PIK3R3: variants seen among roughly 807,000 people sequenced by gnomAD.
PIK3R3 encodes phosphatidylinositol 3-kinase regulatory subunit gamma.
Under a neutral mutation model 62.9 loss-of-function variants are expected in PIK3R3, and 64 were observed. The ratio of observed to expected loss-of-function variants is 1.02; its 90% CI spans 0.83 to 1.25. PIK3R3 has a LOEUF of 1.25. Ranked by LOEUF, PIK3R3 falls within the 50% of genes most tolerant of loss-of-function variation. The probability of loss-of-function intolerance (pLI) is 0.00; values close to 1 mark genes in which losing one functional copy is unlikely to be tolerated. For missense variants in PIK3R3, 614 were observed against 561.6 expected, an observed-to-expected ratio of 1.09 and a Z score of -0.94; for synonymous variants, 165 against 189.0, an observed-to-expected ratio of 0.87 and a Z score of 1.04.
chr1:46,152,275 T>G, the PIK3R3 span, among the ~76,000 whole-genome samples: 1 of 152,148 alleles, frequency 6.6e-6, no homozygotes, highest in Admixed American at 6.5e-5. Flanking sequence ...CCATCACTTC[T>G]CCATATCGGG....
rs777668187 is a variant in PIK3R3, at chr1:46,071,759, A to AGAGAGAGAGAGAGC, written c.315-4669_315-4668insGCTCTCTCTCTCTC. Among the ~76,000 whole-genome samples the AGAGAGAGAGAGAGC allele has an allele frequency of 2.3e-3, 229 of 99,858 alleles. 1 individual carries two copies. The highest frequency in any genetic ancestry group is 5.0e-3 in the Middle Eastern group (1 of 202). 65.5% of individuals were successfully genotyped at this position (99,858 alleles called of 152,430 possible). The stretch of plus-strand genomic sequence containing the variant: ...GAGAGAGAGAGAGAGAGAGAGAGAG[A>AGAGAGAGAGAGAGC]GCGCGCGCCTGATCACAATTTCCCT... On this transcript the variant is annotated intron_variant, in intron 3 of 9. Coordinates refer to ENST00000262741, the MANE Select transcript of PIK3R3 (RefSeq NM_003629.4).
chr1:46,098,500 G>A, intron 1 of PIK3R3, among the ~76,000 whole-genome samples: 1 of 152,174 alleles, frequency 6.6e-6, no homozygotes, highest in African/African-American at 2.4e-5. Context: ...GTGGAATATT[G>A]TTTAGCCATA....
chr1:46,149,241 A>G, the PIK3R3 span, among the ~76,000 whole-genome samples: 37 of 152,000 alleles, frequency 2.4e-4, no homozygotes, highest in Admixed American at 1.9e-3. Context: ...TGGGCAACAT[A>G]GTGAAACCCC....
At chr1:46,071,757 A>AGAGAGAGAGAGAGAGAGAGAGAGAGAGC (rs1230737377) in intron 3 of PIK3R3, among the ~76,000 whole-genome samples, 1 of 128,252 alleles carries the variant, frequency 7.8e-6, no homozygotes, top group African/African-American at 3.0e-5. Context: ...AGAGAGAGAG[A>AGAGAGAGAGAGAGAGAGAGAGAGAGAGC]GAGCGCGCGC....
chr1:46,077,890 A>G (rs1254911554), intron 2 of PIK3R3, among the ~76,000 whole-genome samples: 1 of 152,228 alleles, frequency 6.6e-6, no homozygotes, highest in Admixed American at 6.5e-5. Context: ...TGTTTCCATC[A>G]AGCCTTTAAG....
In PIK3R3 at chr1:46,131,941, C is replaced by G. The variant is rs764288804; in HGVS notation, c.12G>C (p.Thr4=). 2 of 1,613,932 alleles carry G rather than the reference C, an allele frequency of 1.2e-6. No homozygotes were observed. Among genetic ancestry groups the G allele is most frequent in the Admixed American group, 3.3e-5 (2 of 60,014 alleles). Reference sequence around the variant, plus strand: ...CGTCATCGCGGTCCATACTCCACACCGTATTGTACATCGCGCTGTCAGGGG... The same window carrying G: ...CGTCATCGCGGTCCATACTCCACACGGTATTGTACATCGCGCTGTCAGGGG... MYN[T]VWSMDRDDAD... Residue 4 remains threonine (T), a synonymous_variant, in exon 1 of 10, where the codon ACG becomes ACC. Transcript: ENST00000262741.
intron 3 of PIK3R3, among the ~76,000 whole-genome samples, chr1:46,071,712 A>AAAAAAAAAAAAAATAT (rs1472807815): frequency 1.2e-4 from 3 of 24,652 alleles, no homozygotes; most frequent in East Asian, 7.0e-4. Flanking sequence ...AAAAAAAAAA[A>AAAAAAAAAAAAAATAT]ATATATATAT....
the PIK3R3 span, among the ~76,000 whole-genome samples, chr1:46,149,104 T>C: frequency 2.0e-5 from 3 of 152,136 alleles, no homozygotes; most frequent in Non-Finnish European, 2.9e-5. Context: ...CATTTTATGC[T>C]AATTATAATG....
Position 46,046,103 on chromosome 1 carries a change from T to C in PIK3R3, c.1017-15A>G. On this transcript the variant is annotated splice_polypyrimidine_tract_variant and intron_variant, in intron 8 of 9. Transcript: ENST00000262741. ...TAAAATAGTTCCTAAAAATTAAATATTAGTATATTATTCTAACAAGTTACT... is the reference window on the plus strand; with the variant it reads ...TAAAATAGTTCCTAAAAATTAAATACTAGTATATTATTCTAACAAGTTACT... The C allele has an allele frequency of 7.0e-7, 1 of 1,431,228 alleles. No homozygotes were observed. Among genetic ancestry groups the C allele is most frequent in the African/African-American group, 1.4e-5 (1 of 69,608 alleles). 88.7% of individuals were successfully genotyped at this position (1,431,228 alleles called of 1,614,324 possible).
intron 7 of PIK3R3, among the ~76,000 whole-genome samples, chr1:46,049,254 G>A (rs963840366): frequency 6.6e-6 from 1 of 151,846 alleles, no homozygotes; most frequent in Non-Finnish European, 1.5e-5. Context: ...CAGCAAGTAA[G>A]GGAAAAAATA....
chr1:46,135,938 G>C (rs1229287490), upstream of PIK3R3, among the ~76,000 whole-genome samples: 1 of 149,000 alleles, frequency 6.7e-6, no homozygotes, highest in Non-Finnish European at 1.5e-5. Flanking sequence ...GCTGAGGCAG[G>C]AGAATCATTT....
the PIK3R3 span, among the ~76,000 whole-genome samples, chr1:46,155,342 A>AC: frequency 1.3e-5 from 2 of 151,888 alleles, no homozygotes; most frequent in African/African-American, 4.8e-5. Flanking sequence ...AAAAAGAAAA[A>AC]AAAAAACAAA....
chr1:46,128,617 T>C (rs1377521341), intron 1 of PIK3R3, among the ~76,000 whole-genome samples: 3 of 152,132 alleles, frequency 2.0e-5, no homozygotes, highest in African/African-American at 7.2e-5. Context: ...GAAACAATGT[T>C]CCTTATTTAC....
At chr1:46,105,839 C>T (rs566419750) in intron 1 of PIK3R3, among the ~76,000 whole-genome samples, 4 of 151,656 alleles carry the variant, frequency 2.6e-5, no homozygotes, top group African/African-American at 4.8e-5. Context: ...AGCAAAACTC[C>T]GCCTCAAAAA....
At chr1:46,064,887 A>G (rs1648853037) in intron 5 of PIK3R3, among the ~76,000 whole-genome samples, 1 of 152,186 alleles carries the variant, frequency 6.6e-6, no homozygotes, top group African/African-American at 2.4e-5. Flanking sequence ...AGAGAAAATT[A>G]AACTGAAAGC....
the PIK3R3 span, among the ~76,000 whole-genome samples, chr1:46,139,728 G>T: frequency 6.6e-6 from 1 of 152,062 alleles, no homozygotes; most frequent in Non-Finnish European, 1.5e-5. Flanking sequence ...CTTCTTCCTG[G>T]CATCCTCGAC....
upstream of PIK3R3, among the ~76,000 whole-genome samples, chr1:46,137,173 C>G (rs1458084686): frequency 6.6e-6 from 1 of 152,186 alleles, no homozygotes; most frequent in Non-Finnish European, 1.5e-5. Context: ...GCCTTTCCCG[C>G]TGCACCACAC....
At position 46,077,552 on chromosome 1, in the gene PIK3R3, A is replaced by G; in HGVS notation, c.277T>C (p.Ser93Pro). The G allele has an allele frequency of 6.2e-7, 1 of 1,612,446 alleles. No individual in the cohort carries two copies. The highest frequency in any genetic ancestry group is 8.5e-7 in the Non-Finnish European group (1 of 1,178,512). Reference protein sequence around the residue: ...PDGTFLVRDASTKMQGDYTLT... With the variant: ...PDGTFLVRDAPTKMQGDYTLT... ...GTATAATCTCCCTGCATTTTTGTTG[A>G]GGCATCTCGGACCAAGAAGGTCCCA... The change falls in exon 3 of 10, where the codon TCA (serine) becomes CCA (proline). Residue 93 changes from serine (S) to proline (P), a missense_variant. By Grantham distance (74) the Ser-to-Pro change is moderately conservative. Coordinates refer to ENST00000262741, the MANE Select transcript of PIK3R3 (RefSeq NM_003629.4).
chr1:46,127,454 AAGTT>A (rs1655198085), intron 1 of PIK3R3, among the ~76,000 whole-genome samples: 1 of 152,002 alleles, frequency 6.6e-6, no homozygotes, highest in South Asian at 2.1e-4. Context: ...TTTAAAAAGG[AAGTT>A]ATTTATTACA....
Sources: gnomAD v4.1 joint callset for allele counts (sites outside exome capture counted in the v4.1 genomes callset) on GRCh38, gnomAD v4.1.1 for gene constraint, MANE v1.5 for transcripts, NCBI Gene and HGNC (gene_info 2026-07-23, HGNC 2026-07-21) for gene names.